Variants in EHBP1 observed in about 807,000 individuals in gnomAD.
EHBP1 encodes the protein EH domain-binding protein 1.
EHBP1 carries 55 observed loss-of-function variants against 144.0 expected under a neutral mutation model. The ratio of observed to expected loss-of-function variants is 0.38; its 90% CI spans 0.31 to 0.48. The LOEUF is 0.48. Among genes scored for constraint, EHBP1 ranks in the 20% least tolerant of loss-of-function variants. The pLI is 0.98. For synonymous variants in EHBP1, 469 were observed against 472.7 expected (o/e 0.99, Z 0.10); for missense variants, 1,200 against 1,364.2 (o/e 0.88, Z 1.90).
chr2:62,885,654 A>G (rs764711480), intron 10 of EHBP1, among the ~76,000 whole-genome samples: 1 of 152,244 alleles, frequency 6.6e-6, no homozygotes, highest in Non-Finnish European at 1.5e-5. Flanking sequence ...GTTATTAAAT[A>G]CTATATGACC....
chr2:62,702,623 G>T (rs980463477), upstream of EHBP1, among the ~76,000 whole-genome samples: 3 of 152,184 alleles, frequency 2.0e-5, no homozygotes, highest in African/African-American at 4.8e-5. Flanking sequence ...AATTATTGCT[G>T]TTCCAGTCTT....
rs2057234038 is a variant in EHBP1, at chr2:62,949,035, G to A, written c.2189G>A (p.Gly730Glu). Reference sequence around the variant, plus strand: ...AGTTTATCTCCTACTTCTAAACTTGGATACTCATATAGTAGAGATCTAGAC... The same window carrying A: ...AGTTTATCTCCTACTTCTAAACTTGAATACTCATATAGTAGAGATCTAGAC... Reference protein sequence around the residue: ...KTSLSPTSKLGYSYSRDLDLA... With the variant: ...KTSLSPTSKLEYSYSRDLDLA... Residue 730 changes from glycine to glutamate, a missense_variant, in exon 13 of 23, where the codon GGA becomes GAA. By Grantham distance (98) the Gly-to-Glu change is moderately conservative (BLOSUM62 -2). This residue lies in a region of EHBP1 where 543 missense variants were observed against 513.1 expected (regional missense o/e 1.06). Coordinates refer to ENST00000431489, the MANE Select transcript of EHBP1 (RefSeq NM_001142616.3). 11 of 1,613,636 alleles carry A rather than the reference G, an allele frequency of 6.8e-6. No individual in the cohort carries two copies. Among genetic ancestry groups the A allele is most frequent in the Non-Finnish European group, 8.5e-6 (10 of 1,179,920 alleles).
rs745814761 is a variant in EHBP1, at chr2:62,948,456, A to C, written c.1610A>C (p.Glu537Ala). The part of the protein sequence containing the change: ...SKSTYKVGNY[E>A]TDTNSSVDQE... The stretch of plus-strand genomic sequence containing the variant: ...AGCACATATAAAGTTGGAAACTATG[A>C]AACAGATACAAACAGTTCTGTTGAT... Residue 537 changes from glutamate (E) to alanine (A), a missense_variant, in exon 13 of 23, where the codon GAA becomes GCA. By Grantham distance (107) the Glu-to-Ala change is moderately radical (BLOSUM62 -1). This residue lies in a region of EHBP1 where 94 missense variants were observed against 143.0 expected (regional missense o/e 0.66). Transcript: ENST00000431489. 1.2e-6 allele frequency: 2 copies of C among 1,612,832 alleles called. No homozygotes were observed. Among genetic ancestry groups the C allele is most frequent in the Non-Finnish European group, 1.7e-6 (2 of 1,179,204 alleles).
At chr2:62,703,187 T>A (rs931612253), upstream of EHBP1, among the ~76,000 whole-genome samples, 1 of 151,620 alleles carries the variant, frequency 6.6e-6, no homozygotes, top group Non-Finnish European at 1.5e-5. Context: ...AGCCTATCAG[T>A]TAATAGACTT....
intron 5 of EHBP1, among the ~76,000 whole-genome samples, chr2:62,814,052 G>C (rs2045260465): frequency 6.6e-6 from 1 of 152,206 alleles, no homozygotes; most frequent in Admixed American, 6.5e-5. Context: ...TTGCATGTGA[G>C]AAAGACATGA....
intron 7 of EHBP1, among the ~76,000 whole-genome samples, chr2:62,835,516 G>A (rs572605707): frequency 2.4e-4 from 37 of 152,130 alleles, no homozygotes; most frequent in Non-Finnish European, 3.2e-4. Flanking sequence ...GAACAGCTCC[G>A]GTCTACAGCT....
At chr2:62,860,498 G>A (rs201168765) in intron 8 of EHBP1, among the ~76,000 whole-genome samples, 1 of 150,626 alleles carries the variant, frequency 6.6e-6, no homozygotes, top group Non-Finnish European at 1.5e-5. Context: ...CTCAAAAAAA[G>A]AAAAAAAAAA....
intron 19 of EHBP1, among the ~76,000 whole-genome samples, chr2:63,036,695 A>G (rs533027094): frequency 6.6e-6 from 1 of 151,904 alleles, no homozygotes; most frequent in East Asian, 1.9e-4. Context: ...GAAAATTAAT[A>G]TTTTTCTTCA....
intron 1 of EHBP1, among the ~76,000 whole-genome samples, chr2:62,697,924 G>T (rs1219282072): frequency 2.0e-5 from 3 of 152,222 alleles, no homozygotes; most frequent in African/African-American, 7.2e-5. Context: ...CAATGTTGAA[G>T]ACCAGGTCCC....
chr2:62,691,537 T>C (rs2033904951), intron 1 of EHBP1, among the ~76,000 whole-genome samples: 2 of 152,210 alleles, frequency 1.3e-5, no homozygotes, highest in Non-Finnish European at 2.9e-5. Context: ...TTGGGGTTTT[T>C]ATTTCTAGAG....
rs185279217 is a variant in EHBP1 at position 62,714,353 on chromosome 2, A to G, written c.104+7058A>G. Among the ~76,000 whole-genome samples, 6 of 152,344 alleles carry G rather than the reference A, an allele frequency of 3.9e-5. No individual in the cohort carries two copies. In the East Asian group the frequency reaches 5.8e-4, roughly 15 times the overall value. On this transcript the variant is annotated intron_variant, in intron 2 of 22. Coordinates refer to ENST00000431489, the MANE Select transcript of EHBP1 (RefSeq NM_001142616.3). ...GTTCTCTGTGCTCAGGCTCTAAACT[A>G]TTAGTTTAGTCTTATTCCACTCAAA...
chr2:62,707,334 C>T lies in EHBP1; in HGVS notation c.104+39C>T. On this transcript the variant is annotated intron_variant, in intron 2 of 22. Coordinates refer to ENST00000431489, the MANE Select transcript of EHBP1 (RefSeq NM_001142616.3). ...GGAGGTAGATTTTGCTGTGCTGTGG[C>T]CTAAGCATACTGTGGCCTAAACTCT... The T allele has an allele frequency of 3.4e-6, 5 of 1,459,148 alleles. No individual in the cohort carries two copies. In the East Asian group the frequency reaches 9.1e-5, roughly 26 times the overall value. The allele number at this position is 1,459,148 out of a possible 1,614,324, so 90.4% of individuals were successfully genotyped here. A position where few individuals can be genotyped will look rare whatever the true frequency, so the allele number is the denominator to read the frequency against.
At chr2:62,957,367 A>G (rs1574240420) in intron 14 of EHBP1, among the ~76,000 whole-genome samples, 1 of 152,278 alleles carries the variant, frequency 6.6e-6, no homozygotes, top group Non-Finnish European at 1.5e-5. Flanking sequence ...AATGTGCTAA[A>G]ATGTACATAT....
At chr2:62,800,432 T>C (rs2043893635) in intron 5 of EHBP1, among the ~76,000 whole-genome samples, 1 of 152,190 alleles carries the variant, frequency 6.6e-6, no homozygotes, top group African/African-American at 2.4e-5. Context: ...GCAGTGGTTT[T>C]TAGTTGCATA....
chr2:62,936,156 T>C (rs2056371290), intron 10 of EHBP1, among the ~76,000 whole-genome samples: 1 of 152,218 alleles, frequency 6.6e-6, no homozygotes, highest in Non-Finnish European at 1.5e-5. Context: ...TCCAGTTTTC[T>C]ATAATTTGTG....
chr2:62,857,876 T>C (rs1229483596), intron 7 of EHBP1, among the ~76,000 whole-genome samples: 1 of 151,858 alleles, frequency 6.6e-6, no homozygotes, highest in Non-Finnish European at 1.5e-5. Context: ...AAAAAAACAG[T>C]AGTAGAAAAT....
At chr2:62,904,566 G>C (rs1418587001) in intron 10 of EHBP1, among the ~76,000 whole-genome samples, 1 of 152,170 alleles carries the variant, frequency 6.6e-6, no homozygotes, top group Non-Finnish European at 1.5e-5. Context: ...GATGGTGGCA[G>C]AACCCCTGAG....
intron 14 of EHBP1, among the ~76,000 whole-genome samples, chr2:62,960,935 A>T (rs938870159): frequency 6.6e-6 from 1 of 152,180 alleles, no homozygotes; most frequent in Admixed American, 6.5e-5. Flanking sequence ...TGATGTGTGT[A>T]TGCCAAATCC....
chr2:62,994,750 C>G (rs1488587547), intron 18 of EHBP1, among the ~76,000 whole-genome samples: 2 of 152,042 alleles, frequency 1.3e-5, no homozygotes, highest in Non-Finnish European at 2.9e-5. Context: ...CTCAGAGTCA[C>G]CAACTACATT....
Sources: allele counts gnomAD v4.1 joint callset (sites outside exome capture counted in the v4.1 genomes callset), GRCh38; gene constraint gnomAD v4.1.1; regional missense constraint gnomAD v4.1.1; transcripts MANE v1.5; gene names NCBI Gene and HGNC (gene_info 2026-07-23, HGNC 2026-07-21).